NFIA: variants seen among roughly 807,000 people sequenced by gnomAD.
NFIA encodes nuclear factor 1 A-type.
In NFIA, 8 loss-of-function variants were observed where a neutral mutation model predicts 62.8. That is an observed-to-expected ratio of 0.13 (90% CI 0.07 to 0.23). The LOEUF (loss-of-function observed/expected upper bound fraction) is 0.23, where lower values mean the gene tolerates loss of function less well. Ranked by LOEUF, NFIA falls within the 10% of genes least tolerant of loss-of-function variation. The pLI is 1.00. For synonymous variants in NFIA, 235 were observed against 238.1 expected, an observed-to-expected ratio of 0.99 and a Z score of 0.12; for missense variants, 410 against 642.1, an observed-to-expected ratio of 0.64 and a Z score of 3.91.
chr1:61,118,515 TGATA>T lies in NFIA; in HGVS notation c.559+29839_559+29842del, dbSNP rs146931288. Among the ~76,000 whole-genome samples the T allele has an allele frequency of 5.5e-3, 843 of 152,132 alleles. 12 individuals carry two copies. Among genetic ancestry groups the T allele is most frequent in the African/African-American group, 0.019 (798 of 41,504 alleles). ...TACATAAACAAAATAATTTCTAATGTGATAGATCTCTAAAGGAAACAGGCAAGGT... is the reference window on the plus strand; with the variant it reads ...TACATAAACAAAATAATTTCTAATGTGATCTCTAAAGGAAACAGGCAAGGT... On this transcript the variant is annotated intron_variant, in intron 2 of 10. Coordinates refer to ENST00000403491, the MANE Select transcript of NFIA (RefSeq NM_001134673.4).
At chr1:61,145,171 C>T (rs1381807663) in intron 2 of NFIA, among the ~76,000 whole-genome samples, 2 of 152,156 alleles carry the variant, frequency 1.3e-5, no homozygotes, top group African/African-American at 4.8e-5. Context: ...GCCATTTCAG[C>T]ACTAAGCCAA....
At chr1:61,261,496 C>T (rs966351573) in intron 2 of NFIA, among the ~76,000 whole-genome samples, 1 of 152,186 alleles carries the variant, frequency 6.6e-6, no homozygotes, top group Non-Finnish European at 1.5e-5. Context: ...GTAGACTAGC[C>T]TAAGCTGTAA....
chr1:61,222,623 G>A (rs1356310658), intron 2 of NFIA, among the ~76,000 whole-genome samples: 1 of 151,998 alleles, frequency 6.6e-6, no homozygotes, highest in Non-Finnish European at 1.5e-5. Context: ...TACCACATCT[G>A]GTAAAAAGCT....
intron 10 of NFIA, among the ~76,000 whole-genome samples, chr1:61,431,231 A>T (rs1418947917): frequency 6.6e-6 from 1 of 152,232 alleles, no homozygotes; most frequent in Non-Finnish European, 1.5e-5. Flanking sequence ...CGTTTACTTA[A>T]AGAAAAAAAA....
At chr1:61,081,552 C>G (rs1160987051), upstream of NFIA, among the ~76,000 whole-genome samples, 1 of 152,006 alleles carries the variant, frequency 6.6e-6, no homozygotes, top group African/African-American at 2.4e-5. Context: ...ATATTTTTTT[C>G]CTCCTAAAAA....
chr1:61,212,451 A>G (rs1164703704), intron 2 of NFIA, among the ~76,000 whole-genome samples: 1 of 152,202 alleles, frequency 6.6e-6, no homozygotes, highest in Non-Finnish European at 1.5e-5. Context: ...CTTTATGTCC[A>G]GCAGATAATG....
At chr1:61,140,571 A>T (rs906732495) in intron 2 of NFIA, among the ~76,000 whole-genome samples, 28 of 152,032 alleles carry the variant, frequency 1.8e-4, no homozygotes, top group African/African-American at 6.5e-4. Context: ...TGTAGGGAAA[A>T]ATTCTATTTA....
chr1:61,355,197 A>G (rs756385428), intron 5 of NFIA, among the ~76,000 whole-genome samples: 34 of 152,192 alleles, frequency 2.2e-4, no homozygotes, highest in Non-Finnish European at 4.3e-4. Context: ...TCCTTAGGAG[A>G]ATATTCATCC....
intron 3 of NFIA, among the ~76,000 whole-genome samples, chr1:61,323,948 T>C (rs1224814027): frequency 1.3e-5 from 2 of 152,108 alleles, no homozygotes; most frequent in Non-Finnish European, 2.9e-5. Flanking sequence ...TATAAACAAA[T>C]AACTGTCCAG....
chr1:61,095,505 T>G (rs568954269), intron 2 of NFIA, among the ~76,000 whole-genome samples: 1 of 152,298 alleles, frequency 6.6e-6, no homozygotes, highest in Non-Finnish European at 1.5e-5. Context: ...GGGTTGGATG[T>G]CGTTTTCATG....
At chr1:61,117,509 G>GA (rs11455772) in intron 2 of NFIA, among the ~76,000 whole-genome samples, 117,648 of 150,994 alleles carry the variant, frequency 0.78, 46,557 homozygotes, top group Middle Eastern at 0.87. Flanking sequence ...TTAAGAACAG[G>GA]AAAAAAAAAT....
chr1:61,390,937 C>T (rs1029101453), intron 7 of NFIA, among the ~76,000 whole-genome samples: 1 of 152,222 alleles, frequency 6.6e-6, no homozygotes, highest in Non-Finnish European at 1.5e-5. Flanking sequence ...GAAGTTCTTT[C>T]CTTCTCCACT....
intron 2 of NFIA, among the ~76,000 whole-genome samples, chr1:61,152,320 G>GA (rs1244494121): frequency 1.3e-5 from 2 of 152,130 alleles, no homozygotes; most frequent in African/African-American, 4.8e-5. Flanking sequence ...TTCACTGCCT[G>GA]AAATCCTTGC....
At chr1:61,300,364 AT>A (rs1260460148) in intron 3 of NFIA, among the ~76,000 whole-genome samples, 3 of 152,250 alleles carry the variant, frequency 2.0e-5, no homozygotes, top group Middle Eastern at 3.4e-3. Context: ...AGCATATTGA[AT>A]TTTTAAAAAT....
chr1:61,406,362 A>G (rs1039944842), intron 8 of NFIA, among the ~76,000 whole-genome samples, 200 bp from the exon 9 acceptor site: 2 of 152,210 alleles, frequency 1.3e-5, no homozygotes, highest in East Asian at 3.8e-4. Flanking sequence ...GGCTAAGAGT[A>G]CTTTTGTGAA....
At position 61,184,741 on chromosome 1, in the gene NFIA, T is replaced by C. The variant is rs540805389; in HGVS notation, c.560-92779T>C. ...GCAGGAACTCAGAGGAACTTCATAC[T>C]GGCCCCTTTTAAAAAAGCATTGTCA... On this transcript the variant is annotated intron_variant, in intron 2 of 10. Coordinates refer to ENST00000403491, the MANE Select transcript of NFIA (RefSeq NM_001134673.4). 2.9e-3 allele frequency among the ~76,000 whole-genome samples: 436 copies of C among 152,342 alleles called. 5 individuals carry two copies. The highest frequency in any genetic ancestry group is 6.8e-3 in the Middle Eastern group (2 of 294).
At position 61,189,997 on chromosome 1, in the gene NFIA, AATG is replaced by A. The variant is rs374255738; in HGVS notation, c.560-87520_560-87518del. On this transcript the variant is annotated intron_variant, in intron 2 of 10. Coordinates refer to ENST00000403491, the MANE Select transcript of NFIA (RefSeq NM_001134673.4). ...TCTTACCGTGCTGTTTGATTTTAAT[AATG>A]ATATTTAGTGAATTTAATGAAATTA... Among the ~76,000 whole-genome samples, 148 of 152,312 alleles carry A rather than the reference AATG, an allele frequency of 9.7e-4. 2 individuals carry two copies. The highest frequency in any genetic ancestry group is 3.3e-3 in the African/African-American group (138 of 41,568).
intron 2 of NFIA, among the ~76,000 whole-genome samples, chr1:61,204,239 A>G (rs1652744135): frequency 2.0e-5 from 3 of 152,308 alleles, no homozygotes; most frequent in Admixed American, 1.3e-4. Context: ...TTGTCATCTT[A>G]GGCATAGGCT....
At chr1:61,151,689 T>C (rs778380331) in intron 2 of NFIA, among the ~76,000 whole-genome samples, 1 of 152,154 alleles carries the variant, frequency 6.6e-6, no homozygotes, top group Non-Finnish European at 1.5e-5. Context: ...CAAAATTAAA[T>C]AGTCCAGCAA....
Sources: gnomAD v4.1 joint callset for allele counts (sites outside exome capture counted in the v4.1 genomes callset) on GRCh38, gnomAD v4.1.1 for gene constraint, MANE v1.5 for transcripts, NCBI Gene and HGNC (gene_info 2026-07-23, HGNC 2026-07-21) for gene names.